The following COL24A1 variants were observed in gnomAD, a reference collection of about 807,000 sequenced individuals.
COL24A1 encodes collagen type XXIV alpha 1 chain.
In COL24A1, 224 loss-of-function variants were observed where a neutral mutation model predicts 253.9. That is an observed-to-expected ratio of 0.88 (90% CI 0.79 to 0.99). The LOEUF (loss-of-function observed/expected upper bound fraction) is 0.99, where lower values mean the gene tolerates loss of function less well. COL24A1 is among the 50% of genes least tolerant of loss of function. COL24A1 has a pLI of 0.00. For synonymous variants in COL24A1, 685 were observed against 673.7 expected, an observed-to-expected ratio of 1.02 and a Z score of -0.26; for missense variants, 2,131 against 2,068.5, an observed-to-expected ratio of 1.03 and a Z score of -0.59.
chr1:86,050,038 TC>T, intron 11 of COL24A1, 85 bp downstream of exon 11: 5 of 1,165,460 alleles, frequency 4.3e-6, no homozygotes, highest in Middle Eastern at 2.0e-4. Context: ...TAAGATTACT[TC>T]CCTGACATCT....
intron 7 of COL24A1, among the ~76,000 whole-genome samples, chr1:86,078,545 A>G (rs1376559807): frequency 6.6e-6 from 1 of 152,216 alleles, no homozygotes; most frequent in Admixed American, 6.5e-5. Flanking sequence ...ATGAAGTTAT[A>G]GCTGGTAAAA....
chr1:86,115,841 T>C (rs1381056253), intron 3 of COL24A1, among the ~76,000 whole-genome samples: 1 of 152,222 alleles, frequency 6.6e-6, no homozygotes, highest in Non-Finnish European at 1.5e-5. Flanking sequence ...GTGTAATGTG[T>C]TAAACTGTTA....
At position 85,841,232 on chromosome 1, in the gene COL24A1, C is replaced by A; in HGVS notation, c.3617G>T (p.Arg1206Leu). Residue 1206 changes from arginine (R) to leucine (L), a missense_variant, in exon 42 of 60, where the codon CGA (arginine) becomes CTA (leucine). Coordinates refer to ENST00000370571, the MANE Select transcript of COL24A1 (RefSeq NM_152890.7). Reference protein sequence around the residue: ...DSTVLGPPGPRGEPGPVGDQG... With the variant: ...DSTVLGPPGPLGEPGPVGDQG... The stretch of plus-strand genomic sequence containing the variant: ...CAGAAAAAGACCTACTGGTTCACCT[C>A]GAGGCCCAGGTGGTCCTAGGACTGT... The A allele has an allele frequency of 3.1e-6, 5 of 1,602,996 alleles. No homozygotes were observed. Among genetic ancestry groups the A allele is most frequent in the Non-Finnish European group, 4.3e-6 (5 of 1,175,480 alleles).
At chr1:86,081,573 G>T (rs59767206) in intron 7 of COL24A1, among the ~76,000 whole-genome samples, 12,474 of 152,036 alleles carry the variant, frequency 0.082, 561 homozygotes, top group Middle Eastern at 0.14. Flanking sequence ...TATCACATAG[G>T]TTTATCACTG....
At chr1:86,046,338 C>T (rs1699901398) in intron 12 of COL24A1, among the ~76,000 whole-genome samples, 3 of 152,124 alleles carry the variant, frequency 2.0e-5, no homozygotes, top group Non-Finnish European at 2.9e-5. Flanking sequence ...CCTCCCATCT[C>T]TGAAATTATT....
At chr1:85,929,770 T>G (rs1419128792) in intron 24 of COL24A1, among the ~76,000 whole-genome samples, 4 of 150,126 alleles carry the variant, frequency 2.7e-5, no homozygotes, top group Non-Finnish European at 5.9e-5. Context: ...GAACTCAGGA[T>G]TAAGAATCTC....
intron 47 of COL24A1, among the ~76,000 whole-genome samples, chr1:85,803,741 G>T (rs751369009): frequency 6.6e-6 from 1 of 152,030 alleles, no homozygotes; most frequent in Non-Finnish European, 1.5e-5. Context: ...GCTAAACTCA[G>T]TTTTCCGTAG....
chr1:86,078,269 A>T (rs780946916), intron 7 of COL24A1, among the ~76,000 whole-genome samples: 1 of 152,186 alleles, frequency 6.6e-6, no homozygotes, highest in Non-Finnish European at 1.5e-5. Flanking sequence ...GGTAAAAAAA[A>T]TACCCTCAAA....
chr1:85,868,213 AT>A (rs1680004274), intron 37 of COL24A1, among the ~76,000 whole-genome samples: 1 of 152,216 alleles, frequency 6.6e-6, no homozygotes, highest in Non-Finnish European at 1.5e-5. Flanking sequence ...TACAACAATA[AT>A]GTCAGTTATA....
chr1:85,826,321 A>G (rs1471071871), intron 43 of COL24A1, among the ~76,000 whole-genome samples: 1 of 147,376 alleles, frequency 6.8e-6, no homozygotes, highest in Non-Finnish European at 1.5e-5. Context: ...TGTTTTGGTT[A>G]CTGTAGCCTT....
chr1:85,985,191 A>C (rs962745743), intron 20 of COL24A1, among the ~76,000 whole-genome samples: 1 of 151,872 alleles, frequency 6.6e-6, no homozygotes, highest in Admixed American at 6.6e-5. Flanking sequence ...TGGGAGGAAC[A>C]GAAAAAGCTT....
intron 47 of COL24A1, among the ~76,000 whole-genome samples, chr1:85,813,532 C>CTTTT (rs765607746): frequency 5.2e-5 from 4 of 76,244 alleles, no homozygotes; most frequent in African/African-American, 2.0e-4. Flanking sequence ...TCATTCAGGT[C>CTTTT]TTTTTTTTTT....
Position 85,978,424 on chromosome 1 carries a change from T to C in COL24A1, c.2365-7031A>G, listed in dbSNP as rs553975446. On this transcript the variant is annotated intron_variant, in intron 20 of 59. Coordinates refer to ENST00000370571, the MANE Select transcript of COL24A1 (RefSeq NM_152890.7). Reference sequence around the variant, plus strand: ...GTAAATAGCCTAAATGCTCCACTTATGGCAGAATGAAAAAAAAATCCATCA... The same window carrying C: ...GTAAATAGCCTAAATGCTCCACTTACGGCAGAATGAAAAAAAAATCCATCA... Among the ~76,000 whole-genome samples, 9 of 151,990 alleles carry C rather than the reference T, an allele frequency of 5.9e-5. No individual in the cohort carries two copies. In the East Asian group the frequency reaches 1.2e-3, roughly 20 times the overall value.
intron 37 of COL24A1, among the ~76,000 whole-genome samples, chr1:85,868,098 T>A (rs566670140): frequency 6.6e-6 from 1 of 152,164 alleles, no homozygotes; most frequent in Admixed American, 6.5e-5. Flanking sequence ...AAAATGATGT[T>A]TAGAACTTCC....
intron 7 of COL24A1, among the ~76,000 whole-genome samples, chr1:86,087,465 T>C (rs1348072055): frequency 6.6e-6 from 1 of 152,170 alleles, no homozygotes; most frequent in African/African-American, 2.4e-5. Flanking sequence ...ATGAATAATA[T>C]TTACTCCCAG....
chr1:85,763,076 A>G (rs1376990994), intron 53 of COL24A1, among the ~76,000 whole-genome samples: 1 of 152,136 alleles, frequency 6.6e-6, no homozygotes, highest in Non-Finnish European at 1.5e-5. Flanking sequence ...TTATTACTCT[A>G]GCTAATACAC....
intron 7 of COL24A1, among the ~76,000 whole-genome samples, chr1:86,069,251 T>C (rs1407878572): frequency 6.6e-6 from 1 of 152,024 alleles, no homozygotes; most frequent in South Asian, 2.1e-4. Context: ...GTCACAGTCC[T>C]GGCAGCATTC....
intron 19 of COL24A1, among the ~76,000 whole-genome samples, chr1:85,994,944 G>A (rs950733408): frequency 1.3e-5 from 2 of 152,124 alleles, no homozygotes; most frequent in African/African-American, 4.8e-5. Flanking sequence ...TGATACTGCT[G>A]AGAAATTTAG....
At chr1:85,778,126 A>T (rs919521847) in intron 52 of COL24A1, among the ~76,000 whole-genome samples, 1 of 151,744 alleles carries the variant, frequency 6.6e-6, no homozygotes, top group African/African-American at 2.4e-5. Context: ...ATAATTTTTT[A>T]TTTTTAAATT....
Sources: gnomAD v4.1 joint callset for allele counts (sites outside exome capture counted in the v4.1 genomes callset) on GRCh38, gnomAD v4.1.1 for gene constraint, MANE v1.5 for transcripts, NCBI Gene and HGNC (gene_info 2026-07-23, HGNC 2026-07-21) for gene names.